VPS35L: variants seen among roughly 807,000 people sequenced by gnomAD.
VPS35L encodes the protein VPS35 endosomal protein sorting factor like, also known as VPS35 endosomal protein-sorting factor-like.
A neutral mutation model predicts 133.0 loss-of-function variants in VPS35L; 83 were observed. The ratio of observed to expected loss-of-function variants is 0.62; its 90% CI spans 0.52 to 0.75. The LOEUF is 0.75. VPS35L is among the 30% of genes least tolerant of loss of function. The probability of loss-of-function intolerance (pLI) is 0.00; values close to 1 mark genes in which losing one functional copy is unlikely to be tolerated. For missense variants in VPS35L, 1,083 were observed against 1,206.8 expected (o/e 0.90, Z 1.52); for synonymous variants, 423 against 449.9 (o/e 0.94, Z 0.76).
In VPS35L at chr16:19,575,508, G is replaced by A. The variant is rs1030643053; in HGVS notation, c.433+386G>A. 2.8e-4 allele frequency among the ~76,000 whole-genome samples: 42 copies of A among 150,606 alleles called. 2 individuals carry two copies. The highest frequency in any genetic ancestry group is 2.3e-3 in the Admixed American group (34 of 15,028). On this transcript the variant is annotated intron_variant, in intron 5 of 30. Coordinates refer to ENST00000417362, the MANE Select transcript of VPS35L (RefSeq NM_020314.7). ...TTGAACCTGAGAGGCGGAGGTTTCA[G>A]TGAGCCAAGATTGCATCATTGCACT...
chr16:19,608,680 A>G, intron 10 of VPS35L: 1 of 421,442 alleles, frequency 2.4e-6, no homozygotes. Context: ...AGTTACCTAA[A>G]GTTCTTTCTT....
chr16:19,679,929 A>G (rs936508706), intron 27 of VPS35L, among the ~76,000 whole-genome samples: 1 of 152,246 alleles, frequency 6.6e-6, no homozygotes, highest in African/African-American at 2.4e-5. Context: ...GTTGGATATA[A>G]TGGCAATGCT....
chr16:19,639,659 G>C lies in VPS35L; in HGVS notation c.1699-356G>C, dbSNP rs1225267044. On this transcript the variant is annotated intron_variant, in intron 20 of 30. Coordinates refer to ENST00000417362, the MANE Select transcript of VPS35L (RefSeq NM_020314.7). The surrounding 1 kb of genome is among the most constrained non-coding windows in gnomAD (Gnocchi z 4.1). ...TTCTCCTGCCTCAGCCTTCCAAGTA[G>C]CTGGGACTACAGGCATGCATCACCA... Among the ~76,000 whole-genome samples the C allele has an allele frequency of 2.0e-5, 3 of 152,154 alleles. No individual in the cohort carries two copies. The highest frequency in any genetic ancestry group is 2.0e-4 in the Admixed American group (3 of 15,268).
rs1279769991 is a variant in VPS35L at position 19,691,651 on chromosome 16, C to T, written c.2646+180C>T. Among the ~76,000 whole-genome samples the T allele has an allele frequency of 2.0e-5, 3 of 152,152 alleles. No individual in the cohort carries two copies. The East Asian group carries it at 5.8e-4, about 29-fold the overall frequency. ...CCTGCTGTTTTCTCTGCCTGGACTG[C>T]GCCTCCCCCAGGGCTTCCCCTGGCT... On this transcript the variant is annotated intron_variant, in intron 29 of 30. Coordinates refer to ENST00000417362, the MANE Select transcript of VPS35L (RefSeq NM_020314.7).
intron 1 of VPS35L, among the ~76,000 whole-genome samples, chr16:19,560,830 T>G (rs1443243238): frequency 6.6e-6 from 1 of 151,648 alleles, no homozygotes; most frequent in Non-Finnish European, 1.5e-5. Context: ...AGGAAAAGTG[T>G]ACTTTGATGT....
rs570919596 is a variant in VPS35L, at chr16:19,644,074, C to T, written c.1866-812C>T. ...AACCAACAAACAAAAACCTTGACTC[C>T]TGTTTTCTCTGGGCTCTTAAAAATT... On this transcript the variant is annotated intron_variant, in intron 22 of 30. Transcript: ENST00000417362. 3.3e-5 allele frequency among the ~76,000 whole-genome samples: 5 copies of T among 152,212 alleles called. No homozygotes were observed. In the East Asian group the frequency reaches 9.6e-4, roughly 29 times the overall value.
At chr16:19,571,284 A>C (rs1971376154) in intron 3 of VPS35L, among the ~76,000 whole-genome samples, 2 of 151,892 alleles carry the variant, frequency 1.3e-5, no homozygotes, top group Non-Finnish European at 2.9e-5. Flanking sequence ...TGGCATGATC[A>C]TAGCTCGCTG....
intron 12 of VPS35L, among the ~76,000 whole-genome samples, chr16:19,613,694 C>G (rs914814378): frequency 5.9e-5 from 9 of 152,172 alleles, no homozygotes; most frequent in African/African-American, 2.2e-4. Context: ...CACCCCTAGA[C>G]TAGTCACGTG....
At chr16:19,608,505 C>T (rs1319802618) in intron 10 of VPS35L, 2 of 491,990 alleles carry the variant, frequency 4.1e-6, no homozygotes, top group Non-Finnish European at 7.2e-6. Flanking sequence ...ATGTGTCAAG[C>T]ATTTGTTTCC....
At chr16:19,599,555 A>G (rs1376335897) in intron 8 of VPS35L, among the ~76,000 whole-genome samples, 3 of 146,624 alleles carry the variant, frequency 2.0e-5, no homozygotes, top group African/African-American at 8.1e-5. Context: ...TTTTTTTTAA[A>G]GACAGTGTCT....
intron 1 of VPS35L, among the ~76,000 whole-genome samples, chr16:19,556,354 C>A (rs568213042): frequency 6.6e-6 from 1 of 152,252 alleles, no homozygotes; most frequent in African/African-American, 2.4e-5. Context: ...TAGGGGAAGG[C>A]TTCAGAGAGG....
chr16:19,688,987 G>A (rs1975566467), intron 28 of VPS35L, among the ~76,000 whole-genome samples: 2 of 151,794 alleles, frequency 1.3e-5, no homozygotes, highest in South Asian at 2.1e-4. Flanking sequence ...ACGCAGACAT[G>A]ACAACAAAGC....
rs139066518 is a variant in VPS35L, at chr16:19,682,080, G to C, written c.2362-145G>C. ...CTCTGTATTGTTTAACCAGGCTTGT[G>C]AGTGGGTCTTGCCTTTGTTCAGTAA... On this transcript the variant is annotated intron_variant, in intron 27 of 30. Coordinates refer to ENST00000417362, the MANE Select transcript of VPS35L (RefSeq NM_020314.7). The C allele has an allele frequency of 8.9e-4, 750 of 844,102 alleles. 5 individuals carry two copies. In the East Asian group the frequency reaches 0.017, roughly 19 times the overall value. The allele number at this position is 844,102 out of a possible 1,614,324, so 52.3% of individuals were successfully genotyped here.
chr16:19,613,696 AGTCAC>A (rs1400471954), intron 12 of VPS35L, among the ~76,000 whole-genome samples: 1 of 152,122 alleles, frequency 6.6e-6, no homozygotes, highest in Non-Finnish European at 1.5e-5. Context: ...CCCCTAGACT[AGTCAC>A]GTGGCCATGG....
At position 19,639,546 on chromosome 16, in the gene VPS35L, G is replaced by C. The variant is rs1365016759; in HGVS notation, c.1699-469G>C. On this transcript the variant is annotated intron_variant, in intron 20 of 30. Coordinates refer to ENST00000417362, the MANE Select transcript of VPS35L (RefSeq NM_020314.7). The surrounding 1 kb of genome is among the most constrained non-coding windows in gnomAD (Gnocchi z 4.1). ...TTATTTTGTTTGTTTGTTTATTTTT[G>C]AGATAGAGTCTTGCTCTGTCACCCA... Among the ~76,000 whole-genome samples the C allele has an allele frequency of 6.6e-6, 1 of 152,070 alleles. No homozygotes were observed. The highest frequency in any genetic ancestry group is 1.5e-5 in the Non-Finnish European group (1 of 68,012).
At chr16:19,663,669 C>CTTTTTTTTTTTTTTTTTTTTTTT (rs59826351) in intron 26 of VPS35L, among the ~76,000 whole-genome samples, 1 of 63,914 alleles carries the variant, frequency 1.6e-5, no homozygotes, top group African/African-American at 7.2e-5. Flanking sequence ...GCAGTAATTT[C>CTTTTTTTTTTTTTTTTTTTTTTT]TTTTTTTTTT....
intron 27 of VPS35L, among the ~76,000 whole-genome samples, chr16:19,678,701 C>T (rs185421062): frequency 6.0e-4 from 91 of 152,094 alleles, no homozygotes; most frequent in African/African-American, 2.1e-3. Context: ...TGGTTTCAAA[C>T]TCCTGACCTC....
At chr16:19,624,142 GTCTCACTCTGGTGC>G (rs1468926531) in intron 14 of VPS35L, among the ~76,000 whole-genome samples, 3 of 117,150 alleles carry the variant, frequency 2.6e-5, no homozygotes, top group Non-Finnish European at 5.0e-5. Context: ...TTTGAGATAG[GTCTCACTCTGGTGC>G]CCAGGCTGGA....
At chr16:19,635,558 A>T (rs1171239725) in intron 19 of VPS35L, among the ~76,000 whole-genome samples, 1 of 152,216 alleles carries the variant, frequency 6.6e-6, no homozygotes, top group Non-Finnish European at 1.5e-5. Flanking sequence ...TAATTGAGAC[A>T]ATCAACAGCT....
Sources: gnomAD v4.1 joint callset for allele counts (sites outside exome capture counted in the v4.1 genomes callset) on GRCh38, gnomAD v4.1.1 for gene constraint, Gnocchi (gnomAD v3.1) non-coding constraint, MANE v1.5 for transcripts, NCBI Gene and HGNC (gene_info 2026-07-23, HGNC 2026-07-21) for gene names.